Variants in TRPV1 observed in about 807,000 individuals in gnomAD.
The protein encoded by TRPV1 is OTRPC1.
Under a neutral mutation model 82.3 loss-of-function variants are expected in TRPV1, and 82 were observed. The observed-to-expected ratio is 1.00, with a 90% CI of 0.83 to 1.20. The LOEUF is 1.20. TRPV1 is among the 50% of genes most tolerant of loss of function. TRPV1 has a pLI of 0.00. For missense variants in TRPV1, 1,067 were observed against 1,096.8 expected, an observed-to-expected ratio of 0.97 and a Z score of 0.38; for synonymous variants, 515 against 467.7, an observed-to-expected ratio of 1.10 and a Z score of -1.30.
intron 11 of TRPV1, among the ~76,000 whole-genome samples, chr17:3,579,508 C>T (rs1361918318): frequency 6.6e-6 from 1 of 152,170 alleles, no homozygotes; most frequent in Non-Finnish European, 1.5e-5. Context: ...TGGAATCTCG[C>T]TCTGTTACCT....
At position 3,573,586 on chromosome 17, in the gene TRPV1, C is replaced by A. The variant is rs750348025; in HGVS notation, c.2103+47G>T. On this transcript the variant is annotated intron_variant, in intron 14 of 16. Coordinates refer to ENST00000572705, the MANE Select transcript of TRPV1 (RefSeq NM_080704.4). ...CTGTGTAAGACAGCAGACAGAGCCG[C>A]CCACACTCTCCGCGCCACTCACCAC... 18 of 1,403,886 alleles carry A rather than the reference C, an allele frequency of 1.3e-5. No homozygotes were observed. The South Asian group carries it at 2.0e-4, about 16-fold the overall frequency. 87.0% of individuals were successfully genotyped at this position (1,403,886 alleles called of 1,614,324 possible). A position where few individuals can be genotyped will look rare whatever the true frequency, so the allele number is the denominator to read the frequency against.
intron 2 of TRPV1, among the ~76,000 whole-genome samples, chr17:3,598,344 G>A (rs2075236698): frequency 6.6e-6 from 1 of 152,174 alleles, no homozygotes; most frequent in Non-Finnish European, 1.5e-5. Flanking sequence ...CACAGCAGTT[G>A]ACAAAGAGCT....
rs187314218 is a variant in TRPV1, at chr17:3,598,447, C to T, written c.-33-6064G>A. Among the ~76,000 whole-genome samples the T allele has an allele frequency of 5.2e-4, 79 of 152,192 alleles. 1 individual carries two copies. Among genetic ancestry groups the T allele is most frequent in the African/African-American group, 1.7e-3 (72 of 41,512 alleles). ...CATTTTACAGGTGAGAAATGTGTGA[C>T]GCTGGGCAATTAGACAACCGATAAT... On this transcript the variant is annotated intron_variant, in intron 2 of 16. Coordinates refer to ENST00000572705, the MANE Select transcript of TRPV1 (RefSeq NM_080704.4).
intron 7 of TRPV1, chr17:3,588,813 T>TAAAAAAAAAAA: frequency 1.1e-6 from 1 of 903,030 alleles, no homozygotes; most frequent in Non-Finnish European, 1.6e-6. Flanking sequence ...AAACCTCATC[T>TAAAAAAAAAAA]AAAAAAAAAA....
rs193186432 is a variant in TRPV1, at chr17:3,580,644, G to A, written c.1477-117C>T. On this transcript the variant is annotated intron_variant, in intron 10 of 16. Coordinates refer to ENST00000572705, the MANE Select transcript of TRPV1 (RefSeq NM_080704.4). ...GGGTGGTCGAATGTGTGAAAGCACAGATTGTGAAAAGAGCAGAACAGCAAG... is the reference window on the plus strand; with the variant it reads ...GGGTGGTCGAATGTGTGAAAGCACAAATTGTGAAAAGAGCAGAACAGCAAG... 1.5e-4 allele frequency: 168 copies of A among 1,100,944 alleles called. No homozygotes were observed. The African/African-American group carries it at 2.4e-3, about 16-fold the overall frequency. 68.2% of individuals were successfully genotyped at this position (1,100,944 alleles called of 1,614,324 possible). A position where few individuals can be genotyped will look rare whatever the true frequency, so the allele number is the denominator to read the frequency against.
At chr17:3,586,803 T>C (rs149016572) in intron 8 of TRPV1, among the ~76,000 whole-genome samples, 10 of 152,078 alleles carry the variant, frequency 6.6e-5, no homozygotes, top group African/African-American at 1.7e-4. Flanking sequence ...TAAAAATAAG[T>C]TCAAGTATCC....
intron 7 of TRPV1, among the ~76,000 whole-genome samples, chr17:3,589,402 A>G (rs1310701885): frequency 6.6e-6 from 1 of 152,028 alleles, no homozygotes; most frequent in Non-Finnish European, 1.5e-5. Flanking sequence ...AGGTTTCACC[A>G]GGTTGGTCAG....
intron 8 of TRPV1, among the ~76,000 whole-genome samples, 187 bp downstream of exon 8, chr17:3,588,001 A>C (rs1041857201): frequency 6.6e-6 from 1 of 152,186 alleles, no homozygotes; most frequent in African/African-American, 2.4e-5. Flanking sequence ...GATGATAATC[A>C]CGTATGGTTG....
intron 11 of TRPV1, among the ~76,000 whole-genome samples, chr17:3,579,270 A>C (rs538399401): frequency 2.6e-5 from 4 of 152,206 alleles, no homozygotes; most frequent in Non-Finnish European, 4.4e-5. Context: ...AATTGGGTTA[A>C]AGGATGCGGT....
chr17:3,573,818 T>G lies in TRPV1; in HGVS notation c.1918A>C (p.Lys640Gln), dbSNP rs1567659279. Residue 640 changes from lysine to glutamine, a missense_variant, in exon 14 of 17, where the codon AAG becomes CAG. Coordinates refer to ENST00000572705, the MANE Select transcript of TRPV1 (RefSeq NM_080704.4). ...AGGTCGCCCATGCCGATGGTGAACT[T>G]GAACAGCTCCAGGCAGGTGGAGTAC... ...SLYSTCLELF[K>Q]FTIGMGDLEF... The G allele has an allele frequency of 6.2e-7, 1 of 1,613,756 alleles. No homozygotes were observed. The highest frequency in any genetic ancestry group is 1.7e-5 in the Admixed American group (1 of 59,980).
At position 3,590,013 on chromosome 17, in the gene TRPV1, C is replaced by T. The variant is rs199726079; in HGVS notation, c.838G>A (p.Ala280Thr). 246 of 1,564,666 alleles carry T rather than the reference C, an allele frequency of 1.6e-4. No homozygotes were observed. Among genetic ancestry groups the T allele is most frequent in the Non-Finnish European group, 2.0e-4 (230 of 1,155,240 alleles). The change falls in exon 7 of 17, where the codon GCC becomes ACC. Residue 280 changes from alanine to threonine, a missense_variant. Coordinates refer to ENST00000572705, the MANE Select transcript of TRPV1 (RefSeq NM_080704.4). ...QNSWQTADIS[A>T]RDSVGNTVLH... ...ACCGTGTTGCCCACCGAGTCCCTGG[C>T]GCTGATGTCGGCCGTCTGCCAGGAG...
chr17:3,600,683 C>A (rs1410522286), intron 2 of TRPV1, among the ~76,000 whole-genome samples: 2 of 152,200 alleles, frequency 1.3e-5, no homozygotes, highest in Non-Finnish European at 2.9e-5. Flanking sequence ...GTTAACAGAG[C>A]CCTTGGTGCT....
chr17:3,606,014 A>G (rs1395321672), intron 2 of TRPV1, among the ~76,000 whole-genome samples: 1 of 152,110 alleles, frequency 6.6e-6, no homozygotes, highest in East Asian at 1.9e-4. Context: ...ACTGGAGTAC[A>G]GTGGCATGAT....
At chr17:3,582,896 G>A (rs552865254) in intron 10 of TRPV1, among the ~76,000 whole-genome samples, 4 of 148,466 alleles carry the variant, frequency 2.7e-5, no homozygotes, top group South Asian at 2.1e-4. Context: ...GCAGTGAGCC[G>A]AGATCGTGCC....
At position 3,568,495 on chromosome 17, in the gene TRPV1, G is replaced by A. The variant is rs148568015; in HGVS notation, c.2348-1508C>T. Among the ~76,000 whole-genome samples, 218 of 152,192 alleles carry A rather than the reference G, an allele frequency of 1.4e-3. 4 individuals are homozygous for A. The East Asian group carries it at 0.029, about 20-fold the overall frequency. Reference sequence around the variant, plus strand: ...AACTAAACTCACAGGAAAATCACACGATCGCAGGAGGCCTGTGGAAAAACC... The same window carrying A: ...AACTAAACTCACAGGAAAATCACACAATCGCAGGAGGCCTGTGGAAAAACC... On this transcript the variant is annotated intron_variant, in intron 16 of 16. Coordinates refer to ENST00000572705, the MANE Select transcript of TRPV1 (RefSeq NM_080704.4).
At position 3,590,955 on chromosome 17, in the gene TRPV1, C is replaced by A. The variant is rs1400422108; in HGVS notation, c.604+9G>T. The stretch of plus-strand genomic sequence containing the variant: ...GCTGAGCCATGCCCGGCCCCGCCGC[C>A]CTCCTCACCCTTGTAGTAGCTGTCC... On this transcript the variant is annotated intron_variant, in intron 5 of 16. Transcript: ENST00000572705. 4.4e-6 allele frequency: 7 copies of A among 1,593,754 alleles called. No homozygotes were observed. Among genetic ancestry groups the A allele is most frequent in the Non-Finnish European group, 6.0e-6 (7 of 1,171,066 alleles).
At chr17:3,568,410 G>C (rs963436770) in intron 16 of TRPV1, among the ~76,000 whole-genome samples, 2 of 151,932 alleles carry the variant, frequency 1.3e-5, no homozygotes, top group East Asian at 3.8e-4. Flanking sequence ...AGTTAGACCA[G>C]TTAACAACTG....
chr17:3,573,843 C>T lies in TRPV1; in HGVS notation c.1893G>A (p.Leu631=). The part of the protein sequence containing the change: ...CRPPDSSYNS[L]YSTCLELFKF... ...TGAACAGCTCCAGGCAGGTGGAGTA[C>T]AGGCTGTTGTAGGAGCTATCGGGGG... The change falls in exon 14 of 17, where the codon CTG becomes CTA. Residue 631 remains leucine, a synonymous_variant. Transcript: ENST00000572705. 6.2e-7 allele frequency: 1 copy of T among 1,613,648 alleles called. No individual in the cohort carries two copies. Among genetic ancestry groups the T allele is most frequent in the African/African-American group, 1.3e-5 (1 of 74,954 alleles).
Position 3,585,918 on chromosome 17 carries a change from G to A in TRPV1, c.1233C>T (p.His411=), listed in dbSNP as rs574117616. Residue 411 remains histidine, a synonymous_variant, in exon 9 of 17, where the codon CAC becomes CAT. Coordinates refer to ENST00000572705, the MANE Select transcript of TRPV1 (RefSeq NM_080704.4). ...AYSSSETPNR[H]DMLLVEPLNR... The stretch of plus-strand genomic sequence containing the variant: ...TCAGCGGCTCCACCAAGAGCATGTC[G>A]TGGCGATTCTAGGGGGTGGGGAGAG... 9.9e-6 allele frequency: 16 copies of A among 1,613,750 alleles called. No homozygotes were observed. Among genetic ancestry groups the A allele is most frequent in the Admixed American group, 1.7e-5 (1 of 60,014 alleles).
Sources: allele counts gnomAD v4.1 joint callset (sites outside exome capture counted in the v4.1 genomes callset), GRCh38; gene constraint gnomAD v4.1.1; transcripts MANE v1.5; gene names NCBI Gene and HGNC (gene_info 2026-07-23, HGNC 2026-07-21).